Variants in PCDH7 observed in about 807,000 individuals in gnomAD.
PCDH7 encodes protocadherin-7.
PCDH7 carries 17 observed loss-of-function variants against 58.9 expected under a neutral mutation model. The ratio of observed to expected loss-of-function variants is 0.29; its 90% confidence interval spans 0.20 to 0.43. PCDH7 has a LOEUF of 0.43. Ranked by LOEUF, PCDH7 falls within the 20% of genes least tolerant of loss-of-function variation. The probability of loss-of-function intolerance (pLI) is 1.00; values close to 1 mark genes in which losing one functional copy is unlikely to be tolerated. For missense variants in PCDH7, 1,274 were observed against 1,441.0 expected (o/e 0.88, Z 1.88); for synonymous variants, 664 against 616.4 (o/e 1.08, Z -1.14).
chr4:30,974,246 CTTCCTTTCCT>C (rs6148377), intron 3 of PCDH7, among the ~76,000 whole-genome samples: 19 of 129,356 alleles, frequency 1.5e-4, no homozygotes, highest in Admixed American at 3.9e-4. Context: ...TTCTTTCTTT[CTTCCTTTCCT>C]TTCCTTTCCT....
At chr4:30,748,043 T>A (rs1020308099) in intron 1 of PCDH7, among the ~76,000 whole-genome samples, 1 of 152,236 alleles carries the variant, frequency 6.6e-6, no homozygotes, top group Admixed American at 6.5e-5. Context: ...ATCAGTTATT[T>A]TTCTGTAAAA....
At chr4:30,825,976 G>A (rs1018498900) in intron 1 of PCDH7, among the ~76,000 whole-genome samples, 2 of 151,930 alleles carry the variant, frequency 1.3e-5, no homozygotes, top group Admixed American at 6.6e-5. Context: ...AGCTGTTCTC[G>A]CCTTCCCTCT....
chr4:31,082,910 C>T (rs894097822), intron 3 of PCDH7, among the ~76,000 whole-genome samples: 5 of 152,214 alleles, frequency 3.3e-5, no homozygotes, highest in East Asian at 1.9e-4. Context: ...AGATCGAGAC[C>T]ATCCTGGCTA....
At chr4:30,900,979 T>A (rs1740139252) in intron 1 of PCDH7, among the ~76,000 whole-genome samples, 1 of 152,190 alleles carries the variant, frequency 6.6e-6, no homozygotes, top group Admixed American at 6.5e-5. Context: ...ATTTTCTGGT[T>A]TTTGATGTCA....
intron 3 of PCDH7, among the ~76,000 whole-genome samples, chr4:31,131,006 A>G (rs1718915033): frequency 6.6e-6 from 1 of 152,148 alleles, no homozygotes; most frequent in African/African-American, 2.4e-5. Context: ...AGTTCCACAG[A>G]TTAGGATGCA....
At chr4:30,784,350 G>T (rs934417660) in intron 1 of PCDH7, among the ~76,000 whole-genome samples, 2 of 152,114 alleles carry the variant, frequency 1.3e-5, no homozygotes, top group Non-Finnish European at 2.9e-5. Flanking sequence ...TTAGTGACAG[G>T]TGAGTATTAG....
chr4:30,879,481 T>A (rs1736690379), intron 1 of PCDH7, among the ~76,000 whole-genome samples: 2 of 152,074 alleles, frequency 1.3e-5, no homozygotes, highest in Admixed American at 1.3e-4. Context: ...AGCCCCAAAT[T>A]CTTACCGTTT....
intron 1 of PCDH7, among the ~76,000 whole-genome samples, chr4:30,897,842 T>A (rs1739651266): frequency 6.6e-6 from 1 of 152,222 alleles, no homozygotes; most frequent in Non-Finnish European, 1.5e-5. Context: ...TAGTTTTATT[T>A]GAGAAATCAT....
At chr4:30,738,546 G>A (rs1273993306) in intron 1 of PCDH7, among the ~76,000 whole-genome samples, 2 of 152,112 alleles carry the variant, frequency 1.3e-5, no homozygotes, top group Non-Finnish European at 2.9e-5. Context: ...GCAATGTTAA[G>A]CTTTCATGGA....
chr4:31,020,350 CCT>C (rs148459708), intron 3 of PCDH7, among the ~76,000 whole-genome samples: 14 of 152,206 alleles, frequency 9.2e-5, no homozygotes, highest in Admixed American at 2.6e-4. Flanking sequence ...GAGATTCTCT[CCT>C]CTCTCTCTCC....
At chr4:30,938,692 A>G (rs1745660885) in intron 2 of PCDH7, among the ~76,000 whole-genome samples, 2 of 152,168 alleles carry the variant, frequency 1.3e-5, no homozygotes, top group African/African-American at 2.4e-5. Context: ...AGATATTTTT[A>G]TATTGTAAAA....
chr4:30,916,776 A>G lies in PCDH7; in HGVS notation c.71-3377A>G, dbSNP rs1030149013. 4.6e-5 allele frequency among the ~76,000 whole-genome samples: 7 copies of G among 152,276 alleles called. No homozygotes were observed. In the East Asian group the frequency reaches 1.2e-3, roughly 25 times the overall value. ...GGAGCACATTGCTTTTTGAACCTCTACCTATGTTCTTCCTGACAATAAAGT... is the reference window on the plus strand; with the variant it reads ...GGAGCACATTGCTTTTTGAACCTCTGCCTATGTTCTTCCTGACAATAAAGT... On this transcript the variant is annotated intron_variant, in intron 1 of 3. Transcript: ENST00000509759.
intron 3 of PCDH7, among the ~76,000 whole-genome samples, chr4:31,050,559 G>A (rs1220724978): frequency 6.6e-6 from 1 of 152,088 alleles, no homozygotes; most frequent in Non-Finnish European, 1.5e-5. Context: ...GATTGCCCTT[G>A]TTCAAGTATT....
chr4:30,771,990 C>T (rs1721474936), intron 1 of PCDH7, among the ~76,000 whole-genome samples: 1 of 152,020 alleles, frequency 6.6e-6, no homozygotes, highest in Non-Finnish European at 1.5e-5. Flanking sequence ...CGTGCCTCAG[C>T]CTCTTGAGTA....
intron 3 of PCDH7, among the ~76,000 whole-genome samples, chr4:30,999,764 A>G (rs945376732): frequency 6.6e-6 from 1 of 152,152 alleles, no homozygotes; most frequent in Non-Finnish European, 1.5e-5. Flanking sequence ...TTCTCTCACC[A>G]TTGTTAGGGA....
At chr4:30,950,881 G>A (rs528596254) in intron 3 of PCDH7, among the ~76,000 whole-genome samples, 2 of 152,268 alleles carry the variant, frequency 1.3e-5, no homozygotes, top group African/African-American at 4.8e-5. Context: ...TATTTTGAAA[G>A]GAGCTAGGCC....
chr4:30,941,390 T>C (rs1746021031), intron 2 of PCDH7, among the ~76,000 whole-genome samples: 1 of 151,960 alleles, frequency 6.6e-6, no homozygotes. Context: ...AAAATGGTTT[T>C]GTATAGCTTC....
At chr4:30,942,254 C>T (rs541566011) in intron 2 of PCDH7, among the ~76,000 whole-genome samples, 3 of 151,892 alleles carry the variant, frequency 2.0e-5, no homozygotes, top group East Asian at 1.9e-4. Flanking sequence ...TTTGCTTGCT[C>T]TTCTTATAAC....
intron 3 of PCDH7, among the ~76,000 whole-genome samples, chr4:31,073,997 G>A (rs919654663): frequency 1.3e-5 from 2 of 151,810 alleles, no homozygotes; most frequent in African/African-American, 4.8e-5. Flanking sequence ...AACACAGCAA[G>A]ATCAACACCC....
Sources: allele counts gnomAD v4.1 joint callset (sites outside exome capture counted in the v4.1 genomes callset), GRCh38; gene constraint gnomAD v4.1.1; transcripts MANE v1.5; gene names NCBI Gene and HGNC (gene_info 2026-07-23, HGNC 2026-07-21).